Variants in PTPRM observed in about 807,000 individuals in gnomAD.
PTPRM encodes protein tyrosine phosphatase receptor type M, also known as receptor-type tyrosine-protein phosphatase mu.
Under a neutral mutation model 186.7 loss-of-function variants are expected in PTPRM, and 47 were observed. The observed-to-expected ratio is 0.25, with a 90% CI of 0.20 to 0.32. The LOEUF (loss-of-function observed/expected upper bound fraction) is 0.32. Among genes scored for constraint, PTPRM ranks in the 10% least tolerant of loss-of-function variants. The pLI is 1.00. For missense variants in PTPRM, 1,494 were observed against 1,865.0 expected, an observed-to-expected ratio of 0.80 and a Z score of 3.66; for synonymous variants, 668 against 674.9, an observed-to-expected ratio of 0.99 and a Z score of 0.16.
At chr18:7,685,004 T>A (rs753450109) in intron 1 of PTPRM, among the ~76,000 whole-genome samples, 3 of 152,228 alleles carry the variant, frequency 2.0e-5, no homozygotes, top group Non-Finnish European at 4.4e-5. Flanking sequence ...CTCCCACTCT[T>A]AAGGCCAACT....
intron 14 of PTPRM, among the ~76,000 whole-genome samples, chr18:8,226,277 C>T (rs182618886): frequency 6.6e-6 from 1 of 151,024 alleles, no homozygotes; most frequent in East Asian, 1.9e-4. Context: ...ATATCCCCCC[C>T]ACACACATAC....
Position 8,185,455 on chromosome 18 carries a change from G to A in PTPRM, c.2300+41676G>A, listed in dbSNP as rs574303999. 1.2e-4 allele frequency among the ~76,000 whole-genome samples: 18 copies of A among 152,322 alleles called. No homozygotes were observed. The East Asian group carries it at 2.1e-3, about 18-fold the overall frequency. On this transcript the variant is annotated intron_variant, in intron 14 of 32. Transcript: ENST00000580170. ...GACTAGTAGGAGTGGGGCTGGGGTC[G>A]CGAGCCAGGCAGTGTGGTGTTTGGG...
intron 3 of PTPRM, among the ~76,000 whole-genome samples, chr18:7,897,608 C>A (rs1368218593): frequency 6.6e-6 from 1 of 152,136 alleles, no homozygotes; most frequent in African/African-American, 2.4e-5. Flanking sequence ...TTGTTTTCAC[C>A]CTCAAAGATC....
intron 31 of PTPRM, among the ~76,000 whole-genome samples, chr18:8,393,813 G>A (rs1209683382): frequency 9.9e-5 from 15 of 151,056 alleles, no homozygotes; most frequent in African/African-American, 3.7e-4. Flanking sequence ...GTTTGAGAGG[G>A]AGTCTCGCTC....
At chr18:7,654,849 GT>G (rs766437545) in intron 1 of PTPRM, among the ~76,000 whole-genome samples, 30 of 152,294 alleles carry the variant, frequency 2.0e-4, no homozygotes, top group Middle Eastern at 3.4e-3. Context: ...CTTGTTTACT[GT>G]AGCCCTGTAG....
intron 1 of PTPRM, among the ~76,000 whole-genome samples, chr18:7,600,940 A>C (rs2037386040): frequency 6.6e-6 from 1 of 152,186 alleles, no homozygotes; most frequent in Non-Finnish European, 1.5e-5. Context: ...GAACAGGCTC[A>C]CCTCCTGAGA....
chr18:8,200,339 T>C (rs997404130), intron 14 of PTPRM, among the ~76,000 whole-genome samples: 1 of 151,828 alleles, frequency 6.6e-6, no homozygotes, highest in African/African-American at 2.4e-5. Context: ...TCAGCAGTCA[T>C]GTGGGGCAAA....
intron 29 of PTPRM, among the ~76,000 whole-genome samples, chr18:8,383,027 C>T (rs529121792): frequency 1.6e-3 from 244 of 152,152 alleles, no homozygotes; most frequent in African/African-American, 5.7e-3. Context: ...CGGCCAGGCG[C>T]AGTGGCTCAC....
chr18:7,588,762 A>G (rs1338392742), intron 1 of PTPRM, among the ~76,000 whole-genome samples: 1 of 152,228 alleles, frequency 6.6e-6, no homozygotes, highest in African/African-American at 2.4e-5. Context: ...CTGCTCTGAA[A>G]TGTATCCTTT....
intron 1 of PTPRM, among the ~76,000 whole-genome samples, chr18:7,587,143 T>C (rs2036999227): frequency 6.6e-6 from 1 of 152,186 alleles, no homozygotes; most frequent in Non-Finnish European, 1.5e-5. Flanking sequence ...GATTTTTATG[T>C]AGTTGAATTA....
rs779575750 is a variant in PTPRM, at chr18:8,394,498, A to G, written c.4231A>G (p.Thr1411Ala). Residue 1411 changes from threonine (T) to alanine (A), a missense_variant, in exon 32 of 33, where the codon ACG (threonine) becomes GCG (alanine). Coordinates refer to ENST00000580170, the MANE Select transcript of PTPRM (RefSeq NM_001105244.2). ...CAGGAACGGGGGAGGCCGCAGTGGG[A>G]CGTTCTGCGCCATCAGCATCGTATG... is the stretch of plus-strand genomic sequence containing the variant. Reference protein sequence around the residue: ...HCLNGGGRSGTFCAISIVCEM... With the variant: ...HCLNGGGRSGAFCAISIVCEM... The G allele has an allele frequency of 6.2e-7, 1 of 1,612,756 alleles. No individual in the cohort carries two copies. Among genetic ancestry groups the G allele is most frequent in the Non-Finnish European group, 8.5e-7 (1 of 1,179,400 alleles).
intron 1 of PTPRM, among the ~76,000 whole-genome samples, chr18:7,691,717 C>T (rs1428737330): frequency 6.6e-6 from 1 of 152,110 alleles, no homozygotes; most frequent in Non-Finnish European, 1.5e-5. Context: ...GAGTTCAAGA[C>T]TGGCCTGGGC....
intron 2 of PTPRM, among the ~76,000 whole-genome samples, chr18:7,877,814 T>A (rs2048319375): frequency 6.6e-6 from 1 of 152,160 alleles, no homozygotes; most frequent in Admixed American, 6.5e-5. Context: ...AGGCACTGTT[T>A]GTTTTTGAGT....
At chr18:8,064,040 G>C (rs1359398084) in intron 7 of PTPRM, among the ~76,000 whole-genome samples, 4 of 152,008 alleles carry the variant, frequency 2.6e-5, no homozygotes, top group Non-Finnish European at 4.4e-5. Context: ...GTATATCCTA[G>C]TCATTTTATT....
At chr18:8,152,712 C>CTTTTTTTTTTTTTT (rs35112154) in intron 14 of PTPRM, among the ~76,000 whole-genome samples, 4 of 56,928 alleles carry the variant, frequency 7.0e-5, no homozygotes, top group African/African-American at 7.6e-5. Context: ...TGCCTCACCT[C>CTTTTTTTTTTTTTT]TTTTTTTTTT....
intron 2 of PTPRM, among the ~76,000 whole-genome samples, chr18:7,818,041 A>G (rs1029077041): frequency 1.3e-5 from 2 of 152,178 alleles, no homozygotes; most frequent in Non-Finnish European, 2.9e-5. Flanking sequence ...GGGATTTTGC[A>G]AGTTATTCAC....
intron 2 of PTPRM, among the ~76,000 whole-genome samples, chr18:7,829,491 A>C (rs1352669742): frequency 6.6e-6 from 1 of 152,212 alleles, no homozygotes; most frequent in African/African-American, 2.4e-5. Flanking sequence ...GACAGGTGAG[A>C]TATCCTTTCA....
At chr18:7,721,659 G>A (rs2040449147) in intron 1 of PTPRM, among the ~76,000 whole-genome samples, 1 of 151,954 alleles carries the variant, frequency 6.6e-6, no homozygotes, top group Non-Finnish European at 1.5e-5. Flanking sequence ...CATTATTTTT[G>A]CACGTGGATA....
intron 2 of PTPRM, among the ~76,000 whole-genome samples, chr18:7,789,892 A>G (rs972531201): frequency 6.6e-6 from 1 of 152,250 alleles, no homozygotes; most frequent in Non-Finnish European, 1.5e-5. Flanking sequence ...AGTTGTGATT[A>G]GTATGAGCAT....
Sources: gnomAD v4.1 joint callset for allele counts (sites outside exome capture counted in the v4.1 genomes callset) on GRCh38, gnomAD v4.1.1 for gene constraint, MANE v1.5 for transcripts, NCBI Gene and HGNC (gene_info 2026-07-23, HGNC 2026-07-21) for gene names.